Variants in PIR observed in about 807,000 individuals in gnomAD.
The protein encoded by PIR is pirin (iron-binding nuclear protein).
PIR carries 22 observed loss-of-function variants against 24.2 expected under a neutral mutation model. The observed-to-expected ratio is 0.91, with a 90% confidence interval of 0.65 to 1.30. The LOEUF (loss-of-function observed/expected upper bound fraction) is 1.30. Ranked by LOEUF, PIR falls within the 50% of genes most tolerant of loss-of-function variation. PIR has a pLI of 0.00. For synonymous variants in PIR, 80 were observed against 79.6 expected (o/e 1.00, Z -0.03); for missense variants, 220 against 220.3 (o/e 1.00, Z 0.01).
chrX:15,434,050 GAGGAGGAGGAAGGAGAAAGA>G (rs1925644631), intron 5 of PIR, among the ~76,000 whole-genome samples: 1 of 67,771 alleles, frequency 1.5e-5, no homozygotes, highest in Non-Finnish European at 2.8e-5. Context: ...GAGAAAGAAG[GAGGAGGAGGAAGGAGAAAGA>G]AGGAGGAGGA....
intron 2 of PIR, among the ~76,000 whole-genome samples, chrX:15,484,907 G>C (rs185540241): frequency 2.1e-3 from 234 of 112,083 alleles, no homozygotes; most frequent in Non-Finnish European, 3.5e-3. Flanking sequence ...TGCAAGAAGA[G>C]AGAAATAATT....
chrX:15,411,634 G>C (rs1041232543), intron 6 of PIR, among the ~76,000 whole-genome samples: 4 of 110,401 alleles, frequency 3.6e-5, no homozygotes, highest in African/African-American at 9.9e-5. Context: ...AGACCGCAAA[G>C]CAACCCTGGT....
intron 5 of PIR, among the ~76,000 whole-genome samples, chrX:15,435,091 A>T (rs1293193912): frequency 9.1e-6 from 1 of 110,466 alleles, no homozygotes; most frequent in Non-Finnish European, 1.9e-5. Flanking sequence ...GGCGCCTGTA[A>T]TCCCAGCTAC....
chrX:15,445,915 C>T (rs1319173012), intron 5 of PIR, among the ~76,000 whole-genome samples: 6 of 100,850 alleles, frequency 5.9e-5, no homozygotes, highest in Admixed American at 3.2e-4. Flanking sequence ...CTGCAAGCTC[C>T]GCCTCCCGGG....
At chrX:15,452,144 A>T (rs1920972120) in intron 5 of PIR, among the ~76,000 whole-genome samples, 1 of 111,842 alleles carries the variant, frequency 8.9e-6, no homozygotes, top group African/African-American at 3.2e-5. Context: ...GCTTCTGACA[A>T]CAGAATTTAG....
chrX:15,406,189 C>A (rs1924544331), intron 7 of PIR, among the ~76,000 whole-genome samples: 1 of 112,019 alleles, frequency 8.9e-6, no homozygotes, highest in South Asian at 3.7e-4. Context: ...CCTGAGATGC[C>A]CCACCCCATC....
Position 15,455,406 on chromosome X carries a change from T to TA in PIR, c.480+441_480+442insT, listed in dbSNP as rs367629263. On this transcript the variant is annotated intron_variant, in intron 5 of 9. Coordinates refer to ENST00000380420, the MANE Select transcript of PIR (RefSeq NM_001018109.3). ...ATAAACTTTCTGCAATGTAGTAGTG[T>TA]GCTTTCCTTACATTACTAAGTTGGA... is the stretch of plus-strand genomic sequence containing the variant. 7.3e-3 allele frequency among the ~76,000 whole-genome samples: 825 copies of TA among 112,847 alleles called. 10 individuals carry two copies. Among genetic ancestry groups the TA allele is most frequent in the African/African-American group, 0.025 (782 of 31,097 alleles).
intron 2 of PIR, among the ~76,000 whole-genome samples, chrX:15,481,774 A>C (rs181425921): frequency 3.5e-4 from 39 of 111,857 alleles, no homozygotes; most frequent in African/African-American, 1.1e-3. Context: ...GTAGATGTTC[A>C]TATCACCAGT....
At chrX:15,460,204 A>G (rs759093102) in intron 3 of PIR, among the ~76,000 whole-genome samples, 1 of 111,613 alleles carries the variant, frequency 9.0e-6, no homozygotes, top group Non-Finnish European at 1.9e-5. Flanking sequence ...AAAAGATGAA[A>G]AATAGAACTC....
rs777698986 is a variant in PIR, at chrX:15,486,453, C to A, written c.96+4709G>T. 1.1e-3 allele frequency among the ~76,000 whole-genome samples: 119 copies of A among 110,348 alleles called. 1 individual carries two copies. Among genetic ancestry groups the A allele is most frequent in the African/African-American group, 3.7e-3 (113 of 30,303 alleles). ...CCTTGAGGATGGGGCCGATGCTATG[C>A]TTTTTTATGATGCTCCACTGAACTT... On this transcript the variant is annotated intron_variant, in intron 2 of 9. Transcript: ENST00000380420.
chrX:15,427,047 G>A (rs1375003047), intron 5 of PIR, among the ~76,000 whole-genome samples: 1 of 111,762 alleles, frequency 8.9e-6, no homozygotes, highest in Admixed American at 9.5e-5. Context: ...GAGAATGAAT[G>A]AACTCAACTA....
intron 3 of PIR, among the ~76,000 whole-genome samples, chrX:15,469,161 G>A (rs1921752505): frequency 9.0e-6 from 1 of 111,399 alleles, no homozygotes; most frequent in African/African-American, 3.3e-5. Flanking sequence ...AATTCAGATT[G>A]TGAAAGGTAA....
intron 2 of PIR, among the ~76,000 whole-genome samples, chrX:15,489,478 G>A (rs971280073): frequency 1.1e-4 from 12 of 112,067 alleles, no homozygotes; most frequent in Admixed American, 1.9e-4. Flanking sequence ...GCTAATTAAA[G>A]TGTTAGTTAC....
At chrX:15,407,069 G>A (rs1300985677) in intron 7 of PIR, among the ~76,000 whole-genome samples, 1 of 111,726 alleles carries the variant, frequency 9.0e-6, no homozygotes, top group East Asian at 2.8e-4. Flanking sequence ...TACAACCCTC[G>A]GAAGAAGAGA....
rs759643298 is a variant in PIR, at chrX:15,397,462, TG to T, written c.679del (p.Gln227ArgfsTer14). 7.6e-6 allele frequency: 9 copies of T among 1,188,647 alleles called. No individual in the cohort carries two copies. In the African/African-American group the frequency reaches 1.6e-4, roughly 21 times the overall value. On this transcript the variant is annotated frameshift_variant, in exon 8 of 10. Transcript: ENST00000380420. LOFTEE classifies it high-confidence loss of function. ...TAACATACTTACCTTGTTCTCCACC[TG>T]GACACTGTCACCTTCTCCAAGCACT... ...TAVLGEGDSV[Q>X]VENKDPKRSH...
intron 5 of PIR, among the ~76,000 whole-genome samples, chrX:15,433,040 T>A (rs185034914): frequency 8.9e-6 from 1 of 112,550 alleles, no homozygotes; most frequent in Admixed American, 9.3e-5. Context: ...CTTCAACTTT[T>A]GCTATTTTAA....
At chrX:15,413,687 G>A (rs1006402159) in intron 6 of PIR, among the ~76,000 whole-genome samples, 3 of 112,230 alleles carry the variant, frequency 2.7e-5, no homozygotes, top group East Asian at 2.8e-4. Context: ...GAGAATGCCC[G>A]TTTTACCAAA....
Position 15,463,096 on chromosome X carries a change from C to T in PIR, c.190-3356G>A, listed in dbSNP as rs138976859. Among the ~76,000 whole-genome samples the T allele has an allele frequency of 9.1e-3, 1,016 of 111,583 alleles. 14 individuals are homozygous for T. Among genetic ancestry groups the T allele is most frequent in the African/African-American group, 0.031 (947 of 30,696 alleles). ...CAAGTGTCCTCTTTCTCTTTGTCTC[C>T]GTGAGAGGGACTAGCACCCGTGGTG... On this transcript the variant is annotated intron_variant, in intron 3 of 9. Transcript: ENST00000380420.
intron 5 of PIR, among the ~76,000 whole-genome samples, chrX:15,445,844 T>C (rs1454207132): frequency 1.1e-5 from 1 of 87,494 alleles, no homozygotes; most frequent in Non-Finnish European, 2.2e-5. Context: ...TTTTTTTTTT[T>C]TTTGAGACGG....
Sources: gnomAD v4.1 joint callset for allele counts (sites outside exome capture counted in the v4.1 genomes callset) on GRCh38, gnomAD v4.1.1 for gene constraint, MANE v1.5 for transcripts, NCBI Gene and HGNC (gene_info 2026-07-23, HGNC 2026-07-21) for gene names.